CNTN5: variants seen among roughly 807,000 people sequenced by gnomAD.
CNTN5 encodes the protein contactin-5.
CNTN5 carries 77 observed loss-of-function variants against 129.1 expected under a neutral mutation model. That is an observed-to-expected ratio of 0.60 (90% confidence interval 0.50 to 0.72). CNTN5 has a LOEUF of 0.72. Ranked by LOEUF, CNTN5 falls within the 30% of genes least tolerant of loss-of-function variation. The pLI, the probability that CNTN5 is intolerant of heterozygous loss-of-function variation, is 0.00. For synonymous variants in CNTN5, 509 were observed against 465.6 expected, an observed-to-expected ratio of 1.09 and a Z score of -1.20; for missense variants, 1,478 against 1,328.8, an observed-to-expected ratio of 1.11 and a Z score of -1.75.
intron 1 of CNTN5, among the ~76,000 whole-genome samples, chr11:99,273,760 TA>T (rs1276022779): frequency 6.6e-5 from 10 of 151,282 alleles, no homozygotes; most frequent in Non-Finnish European, 1.2e-4. Flanking sequence ...AAGATCTTAA[TA>T]AAAATTAGAT....
intron 3 of CNTN5, among the ~76,000 whole-genome samples, chr11:99,564,139 C>T (rs769802292): frequency 7.2e-5 from 11 of 152,090 alleles, no homozygotes; most frequent in Admixed American, 1.3e-4. Context: ...TAGAGTGCAG[C>T]GGCATCATCA....
chr11:99,838,138 C>T (rs553626634), intron 4 of CNTN5, among the ~76,000 whole-genome samples: 5 of 152,038 alleles, frequency 3.3e-5, no homozygotes, highest in Non-Finnish European at 5.9e-5. Flanking sequence ...TACAAATTTA[C>T]GGTTTTAATT....
intron 2 of CNTN5, among the ~76,000 whole-genome samples, 159 bp downstream of exon 2, chr11:99,325,643 T>G (rs867457144): frequency 1.9e-4 from 29 of 152,320 alleles, no homozygotes; most frequent in Middle Eastern, 3.4e-3. Flanking sequence ...GTCTTTGAAT[T>G]GAAAACACCT....
chr11:99,865,090 T>G (rs1948319153), intron 6 of CNTN5, among the ~76,000 whole-genome samples: 1 of 152,188 alleles, frequency 6.6e-6, no homozygotes, highest in Admixed American at 6.5e-5. Flanking sequence ...AGTAAGCATC[T>G]TCCATCTCTT....
intron 9 of CNTN5, among the ~76,000 whole-genome samples, chr11:100,034,312 T>A (rs1452619612): frequency 1.3e-5 from 2 of 152,212 alleles, no homozygotes; most frequent in Non-Finnish European, 2.9e-5. Context: ...TCTCCATTGT[T>A]ATTATCTAAC....
At chr11:99,543,858 T>A (rs529666470) in intron 2 of CNTN5, among the ~76,000 whole-genome samples, 3 of 137,592 alleles carry the variant, frequency 2.2e-5, no homozygotes, top group Non-Finnish European at 4.5e-5. Flanking sequence ...GAATCGGAGG[T>A]TGCAGTGAGC....
chr11:100,097,711 A>G (rs1333047026), intron 13 of CNTN5, among the ~76,000 whole-genome samples: 1 of 152,108 alleles, frequency 6.6e-6, no homozygotes, highest in African/African-American at 2.4e-5. Context: ...AAATCTTGAG[A>G]TAAAAGGTTC....
At chr11:99,350,404 A>G (rs1938214390) in intron 2 of CNTN5, among the ~76,000 whole-genome samples, 1 of 152,198 alleles carries the variant, frequency 6.6e-6, no homozygotes, top group Admixed American at 6.5e-5. Flanking sequence ...TTGTGCGTTT[A>G]CTTATAAATG....
At chr11:99,972,574 C>G (rs1951293591) in intron 8 of CNTN5, among the ~76,000 whole-genome samples, 1 of 151,200 alleles carries the variant, frequency 6.6e-6, no homozygotes, top group Non-Finnish European at 1.5e-5. Context: ...CTTCCCAGAA[C>G]CACACCCAGC....
At chr11:100,344,595 T>C (rs1952238609) in intron 23 of CNTN5, among the ~76,000 whole-genome samples, 1 of 152,116 alleles carries the variant, frequency 6.6e-6, no homozygotes, top group African/African-American at 2.4e-5. Flanking sequence ...AGGGTGACTA[T>C]AGTTAATAAT....
intron 1 of CNTN5, among the ~76,000 whole-genome samples, chr11:99,025,586 C>T (rs1863077323): frequency 6.6e-6 from 1 of 151,500 alleles, no homozygotes; most frequent in South Asian, 2.1e-4. Context: ...AATTCTCTTC[C>T]TTTTGTGAGT....
At chr11:99,538,790 GT>G (rs1312133736) in intron 2 of CNTN5, among the ~76,000 whole-genome samples, 1 of 152,004 alleles carries the variant, frequency 6.6e-6, no homozygotes. Flanking sequence ...TGTATCTCTT[GT>G]TTCTAAGAAC....
intron 1 of CNTN5, among the ~76,000 whole-genome samples, chr11:99,034,845 C>G (rs1469318701): frequency 1.5e-4 from 22 of 150,570 alleles, no homozygotes; most frequent in Admixed American, 4.1e-4. Flanking sequence ...TTTTCTAGTT[C>G]TTTTAATTGT....
intron 13 of CNTN5, among the ~76,000 whole-genome samples, chr11:100,150,272 A>C (rs1947010342): frequency 6.6e-6 from 1 of 152,174 alleles, no homozygotes; most frequent in Non-Finnish European, 1.5e-5. Context: ...CTTCAGAAAA[A>C]TACAAGTGAC....
At chr11:99,773,650 C>G (rs370727383) in intron 3 of CNTN5, among the ~76,000 whole-genome samples, 2 of 151,724 alleles carry the variant, frequency 1.3e-5, no homozygotes, top group South Asian at 4.2e-4. Flanking sequence ...TAAAAATTAG[C>G]AATAATTTTT....
chr11:100,283,774 C>T (rs1157942282), intron 18 of CNTN5, among the ~76,000 whole-genome samples: 1 of 151,918 alleles, frequency 6.6e-6, no homozygotes, highest in African/African-American at 2.4e-5. Context: ...GGTGAAACAT[C>T]GTCTCTACTG....
chr11:99,943,533 T>A (rs1432079807), intron 7 of CNTN5, among the ~76,000 whole-genome samples: 1 of 152,210 alleles, frequency 6.6e-6, no homozygotes, highest in Non-Finnish European at 1.5e-5. Flanking sequence ...AGCTCTTTAG[T>A]TTAATTAGAT....
At chr11:99,464,219 C>T (rs1944846809) in intron 2 of CNTN5, among the ~76,000 whole-genome samples, 1 of 152,104 alleles carries the variant, frequency 6.6e-6, no homozygotes. Context: ...CTTATGCTGC[C>T]TTTGAACGTA....
chr11:99,165,071 G>A (rs907304778), intron 1 of CNTN5, among the ~76,000 whole-genome samples: 2 of 151,876 alleles, frequency 1.3e-5, no homozygotes, highest in Non-Finnish European at 2.9e-5. Flanking sequence ...AAATAATCTG[G>A]TTTATACCAG....
Sources: gnomAD v4.1 joint callset for allele counts (sites outside exome capture counted in the v4.1 genomes callset) on GRCh38, gnomAD v4.1.1 for gene constraint, MANE v1.5 for transcripts, NCBI Gene and HGNC (gene_info 2026-07-23, HGNC 2026-07-21) for gene names.